Variants in DLG2 observed in about 807,000 individuals in gnomAD.
The protein encoded by DLG2 is disks large homolog 2.
DLG2 carries 45 observed loss-of-function variants against 132.5 expected under a neutral mutation model. That is an observed-to-expected ratio of 0.34 (90% CI 0.27 to 0.44). The LOEUF (loss-of-function observed/expected upper bound fraction) is 0.44. Ranked by LOEUF, DLG2 falls within the 20% of genes least tolerant of loss-of-function variation. DLG2 has a pLI of 1.00. For synonymous variants in DLG2, 424 were observed against 419.6 expected, an observed-to-expected ratio of 1.01 and a Z score of -0.13; for missense variants, 1,045 against 1,196.9, an observed-to-expected ratio of 0.87 and a Z score of 1.87.
chr11:84,610,983 C>A (rs2099594400), intron 6 of DLG2, among the ~76,000 whole-genome samples: 1 of 150,590 alleles, frequency 6.6e-6, no homozygotes, highest in African/African-American at 2.4e-5. Flanking sequence ...TACCTTAACA[C>A]ATTAGTCTGG....
chr11:83,883,348 A>AT (rs932017909), intron 15 of DLG2, among the ~76,000 whole-genome samples: 15 of 151,928 alleles, frequency 9.9e-5, no homozygotes, highest in East Asian at 3.9e-4. Context: ...CCTGGGACCC[A>AT]TTTTTTTTCT....
At chr11:85,207,854 T>A (rs1433164618) in intron 4 of DLG2, among the ~76,000 whole-genome samples, 2 of 151,722 alleles carry the variant, frequency 1.3e-5, no homozygotes, top group Non-Finnish European at 2.9e-5. Flanking sequence ...GACTCTAACA[T>A]AACTATTCCT....
chr11:83,501,082 T>C (rs1388144659), intron 21 of DLG2, among the ~76,000 whole-genome samples: 1 of 152,152 alleles, frequency 6.6e-6, no homozygotes, highest in Non-Finnish European at 1.5e-5. Context: ...TTCTCACCAA[T>C]TGGACATGTT....
At chr11:84,741,928 A>G (rs540697560) in intron 6 of DLG2, among the ~76,000 whole-genome samples, 2 of 152,252 alleles carry the variant, frequency 1.3e-5, no homozygotes, top group East Asian at 3.9e-4. Context: ...ATATCAGGAG[A>G]AAATTTTAGG....
At chr11:84,914,810 TGTA>T (rs2092350290) in intron 6 of DLG2, among the ~76,000 whole-genome samples, 2 of 152,202 alleles carry the variant, frequency 1.3e-5, no homozygotes, top group Non-Finnish European at 2.9e-5. Context: ...TCCTTTCACA[TGTA>T]AAAATAGGTT....
At chr11:83,529,062 T>A (rs1197749534) in intron 21 of DLG2, among the ~76,000 whole-genome samples, 1 of 152,106 alleles carries the variant, frequency 6.6e-6, no homozygotes, top group Non-Finnish European at 1.5e-5. Flanking sequence ...TCTAAGCTCC[T>A]CCAGGGCAGT....
intron 6 of DLG2, among the ~76,000 whole-genome samples, chr11:84,544,522 C>T (rs894423678): frequency 1.3e-5 from 2 of 152,096 alleles, no homozygotes; most frequent in African/African-American, 2.4e-5. Context: ...GTGTTTCAAA[C>T]CAAAATAGTC....
rs142247462 is a variant in DLG2 at position 84,945,062 on chromosome 11, G to C, written c.357+166599C>G. Among the ~76,000 whole-genome samples, 12 of 152,262 alleles carry C rather than the reference G, an allele frequency of 7.9e-5. No individual in the cohort carries two copies. In the East Asian group the frequency reaches 2.3e-3, roughly 29 times the overall value. On this transcript the variant is annotated intron_variant, in intron 6 of 27. Coordinates refer to ENST00000376104, the MANE Select transcript of DLG2 (RefSeq NM_001142699.3). ...GTACCTGATTTAGTTTATTTGGTGA[G>C]GTCATGTTTTCGTAGATGGTCTTAA...
At chr11:83,599,602 A>G (rs2058191567) in intron 19 of DLG2, among the ~76,000 whole-genome samples, 3 of 152,138 alleles carry the variant, frequency 2.0e-5, no homozygotes. Context: ...GGGGCACTGA[A>G]TAGCTCTTCA....
chr11:85,057,194 T>C (rs2063546093), intron 6 of DLG2, among the ~76,000 whole-genome samples: 1 of 151,328 alleles, frequency 6.6e-6, no homozygotes, highest in Non-Finnish European at 1.5e-5. Context: ...CCGGATATAG[T>C]TGAAGGAAGA....
At chr11:84,995,846 A>T (rs1249540868) in intron 6 of DLG2, among the ~76,000 whole-genome samples, 1 of 152,098 alleles carries the variant, frequency 6.6e-6, no homozygotes, top group African/African-American at 2.4e-5. Context: ...AATACAGACT[A>T]TTCTCCCTGC....
chr11:84,433,632 C>A (rs1389029930), intron 7 of DLG2, among the ~76,000 whole-genome samples: 1 of 152,166 alleles, frequency 6.6e-6, no homozygotes, highest in African/African-American at 2.4e-5. Context: ...TCTTATGTAG[C>A]TTATTTAGAA....
At chr11:85,403,126 A>G (rs1414279547) in intron 3 of DLG2, among the ~76,000 whole-genome samples, 1 of 152,222 alleles carries the variant, frequency 6.6e-6, no homozygotes, top group East Asian at 1.9e-4. Flanking sequence ...GATTAAGAAA[A>G]TGTGGCACAT....
intron 19 of DLG2, among the ~76,000 whole-genome samples, chr11:83,565,434 C>G (rs184403905): frequency 3.3e-5 from 5 of 152,254 alleles, no homozygotes; most frequent in Non-Finnish European, 7.4e-5. Flanking sequence ...CTTTATTAAG[C>G]CCTTGTGCAG....
intron 7 of DLG2, among the ~76,000 whole-genome samples, chr11:84,480,911 G>A (rs1203542438): frequency 6.6e-6 from 1 of 151,884 alleles, no homozygotes; most frequent in Non-Finnish European, 1.5e-5. Flanking sequence ...GTTGATTTTT[G>A]TATTTTTAGT....
intron 9 of DLG2, among the ~76,000 whole-genome samples, chr11:84,107,013 T>TGAGAGAGAGA (rs35604470): frequency 0.6 from 74,958 of 124,690 alleles, 23,915 homozygotes; most frequent in Middle Eastern, 0.76. Context: ...TGTGTGTGTG[T>TGAGAGAGAGA]GAGAGAGTTT....
At chr11:83,669,916 G>C (rs894195451) in intron 18 of DLG2, among the ~76,000 whole-genome samples, 1 of 152,216 alleles carries the variant, frequency 6.6e-6, no homozygotes, top group African/African-American at 2.4e-5. Context: ...ATGGATTTAA[G>C]AGGGAAAGAT....
chr11:85,101,198 G>A lies in DLG2; in HGVS notation c.357+10463C>T, dbSNP rs117516776. On this transcript the variant is annotated intron_variant, in intron 6 of 27. Transcript: ENST00000376104. Reference sequence around the variant, plus strand: ...TTGACTGCCAATATAGCAGGCTTCAGCAATGTCCTCTCTTGAATTTCCATA... The same window carrying A: ...TTGACTGCCAATATAGCAGGCTTCAACAATGTCCTCTCTTGAATTTCCATA... Among the ~76,000 whole-genome samples the A allele has an allele frequency of 7.8e-4, 118 of 152,060 alleles. 2 individuals carry two copies. The East Asian group carries it at 0.019, about 25-fold the overall frequency.
At chr11:84,601,299 C>G (rs906459116) in intron 6 of DLG2, among the ~76,000 whole-genome samples, 1 of 151,858 alleles carries the variant, frequency 6.6e-6, no homozygotes, top group African/African-American at 2.4e-5. Context: ...ACATTTTTTC[C>G]AATAATAAAG....
Sources: gnomAD v4.1 joint callset for allele counts (sites outside exome capture counted in the v4.1 genomes callset) on GRCh38, gnomAD v4.1.1 for gene constraint, MANE v1.5 for transcripts, NCBI Gene and HGNC (gene_info 2026-07-23, HGNC 2026-07-21) for gene names.